The following PXYLP1 variants were observed in gnomAD, a reference collection of about 807,000 sequenced individuals.
The protein encoded by PXYLP1 is acid phosphatase-like 2.
In PXYLP1, 17 loss-of-function variants were observed where a neutral mutation model predicts 37.9. The ratio of observed to expected loss-of-function variants is 0.45; its 90% CI spans 0.31 to 0.67. The LOEUF (loss-of-function observed/expected upper bound fraction) is 0.67. Among genes scored for constraint, PXYLP1 ranks in the 30% least tolerant of loss-of-function variants. PXYLP1 has a pLI of 0.07. For synonymous variants in PXYLP1, 221 were observed against 232.2 expected (o/e 0.95, Z 0.44); for missense variants, 511 against 612.0 (o/e 0.84, Z 1.74).
chr3:141,274,611 C>T (rs756403239), intron 2 of PXYLP1: 12 of 816,722 alleles, frequency 1.5e-5, no homozygotes, highest in South Asian at 8.6e-5. Flanking sequence ...CAGCGTCTGC[C>T]CCAGTTCAGC....
chr3:141,282,850 C>G (rs1388054600), intron 4 of PXYLP1, among the ~76,000 whole-genome samples: 3 of 152,140 alleles, frequency 2.0e-5, no homozygotes, highest in Non-Finnish European at 4.4e-5. Flanking sequence ...TGGTGGTACC[C>G]CTCCCTGGAA....
At chr3:141,256,537 C>T (rs777693013) in intron 1 of PXYLP1, among the ~76,000 whole-genome samples, 2 of 152,096 alleles carry the variant, frequency 1.3e-5, no homozygotes, top group African/African-American at 2.4e-5. Context: ...CACACACACA[C>T]GTATGCGCGT....
intron 1 of PXYLP1, among the ~76,000 whole-genome samples, chr3:141,243,707 C>T (rs1315814134): frequency 1.7e-4 from 26 of 152,196 alleles, no homozygotes; most frequent in Admixed American, 1.7e-3. Flanking sequence ...ACTCTGGGTT[C>T]GGCAGGTGGA....
chr3:141,277,261 G>A (rs1024755707), intron 2 of PXYLP1, among the ~76,000 whole-genome samples: 3 of 152,114 alleles, frequency 2.0e-5, no homozygotes, highest in Admixed American at 6.5e-5. Flanking sequence ...GCTATTGTTC[G>A]TGCGCATGTG....
chr3:141,288,911 G>A (rs532278132), intron 5 of PXYLP1, among the ~76,000 whole-genome samples: 1 of 152,152 alleles, frequency 6.6e-6, no homozygotes, highest in Non-Finnish European at 1.5e-5. Context: ...ATGAATGAAT[G>A]AATGAATGTA....
chr3:141,293,657 A>G lies in PXYLP1; in HGVS notation c.*452A>G, dbSNP rs1175920822. 1.2e-5 allele frequency: 2 copies of G among 166,452 alleles called. No individual in the cohort carries two copies. The highest frequency in any genetic ancestry group is 3.4e-4 in the East Asian group (2 of 5,950). 10.3% of individuals were successfully genotyped at this position (166,452 alleles called of 1,614,324 possible). A position where few individuals can be genotyped will look rare whatever the true frequency, so the allele number is the denominator to read the frequency against. ...AAAGGTTGGCAAACTTTTTCTGTAA[A>G]GGGCCAGATTGTAAATATTTCAGAC... On this transcript the variant is annotated 3_prime_UTR_variant, in exon 6 of 6. Transcript: ENST00000286353.
chr3:141,246,873 ACACAGTTATT>A (rs1342760367), intron 1 of PXYLP1, among the ~76,000 whole-genome samples: 2 of 152,240 alleles, frequency 1.3e-5, no homozygotes, highest in Non-Finnish European at 2.9e-5. Context: ...CATGTGTCTC[ACACAGTTATT>A]CAGGCAATAA....
At chr3:141,262,901 T>C (rs72982515) in intron 2 of PXYLP1, among the ~76,000 whole-genome samples, 4,678 of 152,308 alleles carry the variant, frequency 0.031, 234 homozygotes, top group African/African-American at 0.099. Context: ...ATATATGGAC[T>C]TTTTTCTTTA....
chr3:141,250,040 T>C (rs1201695735), intron 1 of PXYLP1, among the ~76,000 whole-genome samples: 1 of 152,198 alleles, frequency 6.6e-6, no homozygotes, highest in East Asian at 1.9e-4. Context: ...ATTTCAGGGA[T>C]TTAAAAATAC....
intron 1 of PXYLP1, among the ~76,000 whole-genome samples, chr3:141,252,140 A>T (rs757287757): frequency 2.0e-5 from 3 of 152,094 alleles, no homozygotes; most frequent in Non-Finnish European, 2.9e-5. Flanking sequence ...TATTGTGGGT[A>T]TGACTGGGAA....
chr3:141,270,885 G>GCATT (rs1419627333), intron 2 of PXYLP1, among the ~76,000 whole-genome samples: 2 of 152,042 alleles, frequency 1.3e-5, no homozygotes, highest in African/African-American at 2.4e-5. Flanking sequence ...GTAGAAAATA[G>GCATT]CATTCATTCA....
chr3:141,273,751 G>A (rs1559891270), intron 2 of PXYLP1: 1 of 985,232 alleles, frequency 1.0e-6, no homozygotes, highest in African/African-American at 1.7e-5. Context: ...CGCCATAAAA[G>A]AGAGGCTTAT....
intron 1 of PXYLP1, among the ~76,000 whole-genome samples, chr3:141,233,234 G>A (rs952313067): frequency 6.6e-6 from 1 of 152,192 alleles, no homozygotes; most frequent in South Asian, 2.1e-4. Context: ...TTGGGAGGCC[G>A]AGGCGGGCGG....
intron 2 of PXYLP1, chr3:141,273,131 TTTC>T (rs1941708856): frequency 1.0e-6 from 1 of 985,304 alleles, no homozygotes; most frequent in Non-Finnish European, 1.2e-6. Context: ...CTCCCCACCT[TTTC>T]TTATTTAATG....
At chr3:141,234,712 A>C (rs556601105) in intron 1 of PXYLP1, among the ~76,000 whole-genome samples, 2 of 151,790 alleles carry the variant, frequency 1.3e-5, no homozygotes, top group East Asian at 3.9e-4. Flanking sequence ...GTCAAAGGCC[A>C]CCCCCAGGCA....
At chr3:141,273,813 A>G (rs1406761244) in intron 2 of PXYLP1, 8 of 985,282 alleles carry the variant, frequency 8.1e-6, no homozygotes, top group Non-Finnish European at 9.6e-6. Context: ...ATCACACCAC[A>G]GAGAAATTGC....
rs114362235 is a variant in PXYLP1 at position 141,255,886 on chromosome 3, G to T, written c.-53-4237G>T. Among the ~76,000 whole-genome samples the T allele has an allele frequency of 1.2e-3, 187 of 152,310 alleles. 2 individuals are homozygous for T. The highest frequency in any genetic ancestry group is 4.4e-3 in the African/African-American group (183 of 41,576). On this transcript the variant is annotated intron_variant, in intron 1 of 5. Coordinates refer to ENST00000286353, the MANE Select transcript of PXYLP1 (RefSeq NM_001037172.3). ...TGGTACCTCATCCTCTTGGAGTGGG[G>T]CCCAACAGAAGCTGAGGCAGATGTT...
chr3:141,268,764 G>A (rs1941593921), intron 2 of PXYLP1, among the ~76,000 whole-genome samples: 1 of 152,210 alleles, frequency 6.6e-6, no homozygotes, highest in African/African-American at 2.4e-5. Context: ...CCTCCTGCCA[G>A]TGCGGCTGTC....
intron 1 of PXYLP1, among the ~76,000 whole-genome samples, chr3:141,246,071 C>T (rs1398073576): frequency 4.6e-5 from 7 of 152,254 alleles, no homozygotes; most frequent in Middle Eastern, 6.8e-3. Context: ...CCTTTTGGGT[C>T]GCCTGGGGTC....
Sources: allele counts gnomAD v4.1 joint callset (sites outside exome capture counted in the v4.1 genomes callset), GRCh38; gene constraint gnomAD v4.1.1; transcripts MANE v1.5; gene names NCBI Gene and HGNC (gene_info 2026-07-23, HGNC 2026-07-21).